Variants in SERPINB8 observed in about 807,000 individuals in gnomAD.
SERPINB8 encodes the protein serpin family B member 8, also known as serpin B8.
A neutral mutation model predicts 35.3 loss-of-function variants in SERPINB8; 25 were observed. The observed-to-expected ratio is 0.71, with a 90% CI of 0.52 to 0.99. The LOEUF (loss-of-function observed/expected upper bound fraction) is 0.99. SERPINB8 is among the 50% of genes least tolerant of loss of function. The probability of loss-of-function intolerance (pLI) is 0.00; values close to 1 mark genes in which losing one functional copy is unlikely to be tolerated. For missense variants in SERPINB8, 484 were observed against 446.5 expected (o/e 1.08, Z -0.76); for synonymous variants, 186 against 160.8 (o/e 1.16, Z -1.19).
downstream of SERPINB8, among the ~76,000 whole-genome samples, chr18:63,989,921 C>G (rs1378512466): frequency 2.0e-5 from 2 of 100,912 alleles, no homozygotes; most frequent in Non-Finnish European, 3.5e-5. Flanking sequence ...CCAGCCTGGG[C>G]GACAGAGCGA....
intron 1 of SERPINB8, among the ~76,000 whole-genome samples, chr18:64,001,730 G>A (rs1447665902): frequency 6.6e-6 from 1 of 151,946 alleles, no homozygotes. Context: ...CAGGTGATCC[G>A]CCTGCCTCAG....
downstream of SERPINB8, among the ~76,000 whole-genome samples, chr18:64,006,474 A>G (rs1226482560): frequency 2.6e-5 from 4 of 152,204 alleles, no homozygotes; most frequent in Non-Finnish European, 4.4e-5. Flanking sequence ...GAAATGCCAC[A>G]TGAGGACACA....
intron 1 of SERPINB8, among the ~76,000 whole-genome samples, chr18:64,003,234 G>A (rs1280709331): frequency 6.6e-6 from 1 of 152,102 alleles, no homozygotes; most frequent in Non-Finnish European, 1.5e-5. Flanking sequence ...TGGGGCCACC[G>A]GGACTGATTT....
Position 63,998,287 on chromosome 18 carries a change from A to G in SERPINB8, c.71-6532A>G, listed in dbSNP as rs574459096. Among the ~76,000 whole-genome samples, 5 of 152,268 alleles carry G rather than the reference A, an allele frequency of 3.3e-5. No individual in the cohort carries two copies. In the South Asian group the frequency reaches 1.0e-3, roughly 32 times the overall value. On this transcript the variant is annotated intron_variant, in intron 1 of 1. Transcript: ENST00000493661. ...TTCCCTGACTCAGGCAACACTCTTC[A>G]GTCCCTCCAAAACCATATTTGTTTA...
At chr18:64,016,187 C>G (rs752915402) in intron 7 of SERPINB8, among the ~76,000 whole-genome samples, 3 of 152,172 alleles carry the variant, frequency 2.0e-5, no homozygotes, top group Non-Finnish European at 4.4e-5. Context: ...AGTGCTCAGT[C>G]AAGTCCTTCA....
At chr18:64,010,414 A>G (rs1004258628), downstream of SERPINB8, among the ~76,000 whole-genome samples, 6 of 152,204 alleles carry the variant, frequency 3.9e-5, no homozygotes, top group African/African-American at 1.2e-4. Context: ...TCTTGCATAT[A>G]TGTTCAGAAG....
rs2050441161 is a variant in SERPINB8 at position 63,970,157 on chromosome 18, A to G, written c.-24A>G. ...CGGCGGCGGCGGCGGCGGCAGCAGC[A>G]GCAGCAGCAGGAGGTGGGGGCCTCT... On this transcript the variant is annotated 5_prime_UTR_variant, in exon 1 of 7. Transcript: ENST00000397985. 5.4e-6 allele frequency: 2 copies of G among 367,724 alleles called. No individual in the cohort carries two copies. Among genetic ancestry groups the G allele is most frequent in the Admixed American group, 3.2e-5 (1 of 30,892 alleles). The allele number at this position is 367,724 out of a possible 1,614,324, so 22.8% of individuals were successfully genotyped here.
At chr18:63,995,199 A>G (rs1284936877) in intron 1 of SERPINB8, among the ~76,000 whole-genome samples, 2 of 152,106 alleles carry the variant, frequency 1.3e-5, no homozygotes, top group Non-Finnish European at 2.9e-5. Flanking sequence ...GACTCTGGAG[A>G]TGACTTGAAG....
intron 1 of SERPINB8, among the ~76,000 whole-genome samples, chr18:64,001,983 G>T (rs564661251): frequency 6.6e-6 from 1 of 152,180 alleles, no homozygotes; most frequent in South Asian, 2.1e-4. Context: ...AATGCTTCCA[G>T]TTGCGGAGGC....
intron 1 of SERPINB8, among the ~76,000 whole-genome samples, chr18:63,976,389 G>A (rs28709293): frequency 0.28 from 42,908 of 151,988 alleles, 7,480 homozygotes; most frequent in African/African-American, 0.5. Context: ...AACTGTAATA[G>A]CTTTTTAGCA....
intron 1 of SERPINB8, among the ~76,000 whole-genome samples, chr18:63,999,982 C>A (rs937365363): frequency 6.6e-6 from 1 of 152,214 alleles, no homozygotes; most frequent in Middle Eastern, 3.4e-3. Flanking sequence ...ACAACACTAC[C>A]TTAGTTTTGG....
chr18:63,994,190 T>TG (rs2050837606), downstream of SERPINB8, among the ~76,000 whole-genome samples: 1 of 152,020 alleles, frequency 6.6e-6, no homozygotes, highest in African/African-American at 2.4e-5. Context: ...TGCTGTTCCA[T>TG]GGGGAAAATA....
At position 63,987,496 on chromosome 18, in the gene SERPINB8, G is replaced by C; in HGVS notation, c.*218G>C. The C allele has an allele frequency of 1.8e-6, 1 of 555,516 alleles. No homozygotes were observed. 34.4% of individuals were successfully genotyped at this position (555,516 alleles called of 1,614,324 possible). On this transcript the variant is annotated 3_prime_UTR_variant, in exon 7 of 7. Coordinates refer to ENST00000397985, the MANE Select transcript of SERPINB8 (RefSeq NM_002640.4). ...GCCTGGGAAGGCTATGCTGGTTTTG[G>C]AGTGTTTGGGGTGCCTGCCATTGCC...
chr18:63,995,620 G>T (rs1329757588), intron 1 of SERPINB8, among the ~76,000 whole-genome samples: 2 of 152,154 alleles, frequency 1.3e-5, no homozygotes, highest in Non-Finnish European at 2.9e-5. Flanking sequence ...TGCACTTAGG[G>T]TCATCTTAGT....
At chr18:63,974,346 T>A (rs1174355574) in intron 1 of SERPINB8, among the ~76,000 whole-genome samples, 1 of 152,192 alleles carries the variant, frequency 6.6e-6, no homozygotes. Context: ...ACATAAATGC[T>A]CTTTGAATAA....
At chr18:63,981,939 C>A in intron 4 of SERPINB8, 101 bp downstream of exon 4, 1 of 733,700 alleles carries the variant, frequency 1.4e-6, no homozygotes, top group Admixed American at 2.3e-5. Context: ...GACCTGCATA[C>A]CACAGGCCTG....
chr18:63,997,858 C>G (rs2144838853), intron 1 of SERPINB8, among the ~76,000 whole-genome samples: 1 of 152,338 alleles, frequency 6.6e-6, no homozygotes, highest in South Asian at 2.1e-4. Flanking sequence ...GCTCCCTATG[C>G]TGACAAAGGC....
downstream of SERPINB8, among the ~76,000 whole-genome samples, chr18:64,010,279 C>T (rs1339452702): frequency 6.6e-6 from 1 of 152,096 alleles, no homozygotes; most frequent in East Asian, 1.9e-4. Context: ...TCTTGGCAAA[C>T]ATCAATAACA....
In SERPINB8 at chr18:63,987,229, A is replaced by G. The variant is rs3826616; in HGVS notation, c.1076A>G (p.His359Arg). The G allele has an allele frequency of 0.58, 931,715 of 1,613,518 alleles. 272,147 individuals are homozygous for G. The highest frequency in any genetic ancestry group is 0.71 in the Admixed American group (42,378 of 59,982). ...ADHPFLFFIRHHKTNCILFCG... is the reference protein window; with the variant it reads ...ADHPFLFFIRRHKTNCILFCG... The stretch of plus-strand genomic sequence containing the variant: ...CACCCTTTTCTTTTCTTCATCAGGC[A>G]CCACAAAACCAACTGCATCTTGTTC... The change falls in exon 7 of 7, where the codon CAC (histidine) becomes CGC (arginine). Residue 359 changes from histidine (H) to arginine (R), a missense_variant. Transcript: ENST00000397985.
Sources: allele counts gnomAD v4.1 joint callset (sites outside exome capture counted in the v4.1 genomes callset), GRCh38; gene constraint gnomAD v4.1.1; transcripts MANE v1.5; gene names NCBI Gene and HGNC (gene_info 2026-07-23, HGNC 2026-07-21).